The following LRP1B variants were observed in gnomAD, a reference collection of about 807,000 sequenced individuals.
LRP1B encodes low-density lipoprotein receptor-related protein 1B.
In LRP1B, 217 loss-of-function variants were observed where a neutral mutation model predicts 556.6. That is an observed-to-expected ratio of 0.39 (90% CI 0.35 to 0.44). The LOEUF is 0.44. LRP1B is among the 20% of genes least tolerant of loss of function. The pLI is 1.00. For missense variants in LRP1B, 5,053 were observed against 5,620.8 expected (o/e 0.90, Z 3.23); for synonymous variants, 2,047 against 1,865.8 (o/e 1.10, Z -2.50).
At chr2:141,994,566 T>C (rs1702435727) in intron 1 of LRP1B, among the ~76,000 whole-genome samples, 2 of 152,282 alleles carry the variant, frequency 1.3e-5, no homozygotes, top group African/African-American at 2.4e-5. Context: ...CATGTATGTA[T>C]ATCTATCTCT....
chr2:141,005,166 A>G (rs1697534680), intron 15 of LRP1B, among the ~76,000 whole-genome samples, 169 bp downstream of exon 15: 4 of 152,018 alleles, frequency 2.6e-5, no homozygotes, highest in Admixed American at 2.6e-4. Flanking sequence ...ATATTCATCT[A>G]TATATTCAAA....
At chr2:141,563,008 C>T (rs1368510180) in intron 2 of LRP1B, among the ~76,000 whole-genome samples, 1 of 151,838 alleles carries the variant, frequency 6.6e-6, no homozygotes, top group Non-Finnish European at 1.5e-5. Flanking sequence ...GGAAATTGGG[C>T]TTGGAAAGGG....
chr2:141,047,194 T>A (rs2105442509), intron 11 of LRP1B, among the ~76,000 whole-genome samples: 1 of 152,200 alleles, frequency 6.6e-6, no homozygotes, highest in African/African-American at 2.4e-5. Flanking sequence ...TCATCTGCTA[T>A]CACATTAAGA....
chr2:142,017,594 C>T (rs183853032), intron 1 of LRP1B, among the ~76,000 whole-genome samples: 8 of 152,134 alleles, frequency 5.3e-5, no homozygotes, highest in Admixed American at 3.3e-4. Context: ...AGTTGTCATT[C>T]GGTCACGGAG....
chr2:140,508,572 T>G lies in LRP1B; in HGVS notation c.8398+1356A>C, dbSNP rs138434115. 2.0e-3 allele frequency among the ~76,000 whole-genome samples: 302 copies of G among 152,300 alleles called. 2 individuals are homozygous for G. Among genetic ancestry groups the G allele is most frequent in the Admixed American group, 4.1e-3 (62 of 15,296 alleles). ...GTATAGAAGCCACATAGAAGTAGCA[T>G]GAACAATTGCCTGTTGTAATCAGAG... On this transcript the variant is annotated intron_variant, in intron 52 of 90. Coordinates refer to ENST00000389484, the MANE Select transcript of LRP1B (RefSeq NM_018557.3).
At position 140,716,009 on chromosome 2, in the gene LRP1B, T is replaced by C; in HGVS notation, c.5987A>G (p.Asp1996Gly). Residue 1996 changes from aspartate to glycine, a missense_variant, in exon 37 of 91, where the codon GAT (aspartate) becomes GGT (glycine). By Grantham distance (94) the Asp-to-Gly change is moderately conservative. Coordinates refer to ENST00000389484, the MANE Select transcript of LRP1B (RefSeq NM_018557.3). ...GTGCACAGCTATAGATCTTGGTTGA[T>C]CCAGGCCTTGGGAAATAATTACATA... is the stretch of plus-strand genomic sequence containing the variant. ...FRYVIISQGL[D>G]QPRSIAVHPE... 6.2e-7 allele frequency: 1 copy of C among 1,611,048 alleles called. No homozygotes were observed. The highest frequency in any genetic ancestry group is 8.5e-7 in the Non-Finnish European group (1 of 1,177,964).
At chr2:140,257,448 G>C (rs1179171389) in intron 86 of LRP1B, among the ~76,000 whole-genome samples, 1 of 152,118 alleles carries the variant, frequency 6.6e-6, no homozygotes, top group African/African-American at 2.4e-5. Flanking sequence ...TTACATCAGA[G>C]CTGCTTGATA....
intron 7 of LRP1B, among the ~76,000 whole-genome samples, chr2:141,123,144 T>C (rs1483143738): frequency 6.6e-6 from 1 of 151,660 alleles, no homozygotes; most frequent in Non-Finnish European, 1.5e-5. Context: ...CTAATGTAAA[T>C]GACAAGTTAA....
At chr2:140,398,810 G>A (rs1431801758) in intron 66 of LRP1B, among the ~76,000 whole-genome samples, 2 of 152,032 alleles carry the variant, frequency 1.3e-5, no homozygotes, top group Admixed American at 6.6e-5. Flanking sequence ...ATTATTATTT[G>A]TTTCCCTATA....
intron 2 of LRP1B, among the ~76,000 whole-genome samples, chr2:141,562,540 A>G (rs917902421): frequency 1.3e-5 from 2 of 151,926 alleles, no homozygotes; most frequent in Non-Finnish European, 2.9e-5. Flanking sequence ...ATCTCTGGCA[A>G]TCTCTACATA....
intron 71 of LRP1B, among the ~76,000 whole-genome samples, chr2:140,366,667 T>G (rs1682777013): frequency 6.6e-6 from 1 of 151,744 alleles, no homozygotes; most frequent in Admixed American, 6.6e-5. Context: ...AAAAGTGTTC[T>G]AATGAGAGGG....
intron 3 of LRP1B, among the ~76,000 whole-genome samples, chr2:141,418,000 T>C (rs1679980336): frequency 1.3e-5 from 2 of 152,206 alleles, no homozygotes; most frequent in African/African-American, 4.8e-5. Context: ...CATCTTTTCA[T>C]AACTCTATTA....
At chr2:142,092,249 T>TTTAATAAA (rs1450812438) in intron 1 of LRP1B, among the ~76,000 whole-genome samples, 1 of 152,210 alleles carries the variant, frequency 6.6e-6, no homozygotes, top group African/African-American at 2.4e-5. Context: ...TTGGTTGTAA[T>TTTAATAAA]TTAATAAATT....
Position 141,910,383 on chromosome 2 carries a change from G to A in LRP1B, c.83-99982C>T, listed in dbSNP as rs72984517. Reference sequence around the variant, plus strand: ...CAGTGTTTATGTCAAATCCATGGGTGAGACTATGTCTTTTACAACCAAGGT... The same window carrying A: ...CAGTGTTTATGTCAAATCCATGGGTAAGACTATGTCTTTTACAACCAAGGT... On this transcript the variant is annotated intron_variant, in intron 1 of 90. Transcript: ENST00000389484. Among the ~76,000 whole-genome samples the A allele has an allele frequency of 5.2e-3, 797 of 152,172 alleles. 10 individuals carry two copies. The highest frequency in any genetic ancestry group is 0.018 in the African/African-American group (748 of 41,534).
intron 3 of LRP1B, among the ~76,000 whole-genome samples, chr2:141,391,053 C>T (rs1690032301): frequency 6.6e-6 from 1 of 151,954 alleles, no homozygotes; most frequent in South Asian, 2.1e-4. Flanking sequence ...TGAGTAAGAA[C>T]ATTTCAATGA....
intron 3 of LRP1B, among the ~76,000 whole-genome samples, chr2:141,458,005 C>G (rs1251363514): frequency 6.6e-6 from 1 of 152,098 alleles, no homozygotes; most frequent in Non-Finnish European, 1.5e-5. Context: ...GAGTAATAAG[C>G]TTTCATTGTA....
chr2:140,569,630 G>C (rs1301138945), intron 43 of LRP1B, among the ~76,000 whole-genome samples: 1 of 151,904 alleles, frequency 6.6e-6, no homozygotes, highest in Non-Finnish European at 1.5e-5. Context: ...GTATTGAACA[G>C]AGGATCTAGA....
intron 18 of LRP1B, among the ~76,000 whole-genome samples, chr2:140,973,560 T>C (rs1696501716): frequency 1.3e-5 from 2 of 152,064 alleles, no homozygotes; most frequent in African/African-American, 4.8e-5. Flanking sequence ...AGCCAACTTG[T>C]TTATAAGAAA....
At chr2:140,526,561 G>T (rs1690445588) in intron 47 of LRP1B, among the ~76,000 whole-genome samples, 2 of 151,782 alleles carry the variant, frequency 1.3e-5, no homozygotes, top group Non-Finnish European at 2.9e-5. Flanking sequence ...TCTCTCTGTT[G>T]TGGTATTTAG....
Sources: allele counts gnomAD v4.1 joint callset (sites outside exome capture counted in the v4.1 genomes callset), GRCh38; gene constraint gnomAD v4.1.1; transcripts MANE v1.5; gene names NCBI Gene and HGNC (gene_info 2026-07-23, HGNC 2026-07-21).